The following RNF14 variants were observed in gnomAD, a reference collection of about 807,000 sequenced individuals.
The protein encoded by RNF14 is ring finger protein 14.
RNF14 carries 26 observed loss-of-function variants against 52.6 expected under a neutral mutation model. The ratio of observed to expected loss-of-function variants is 0.49; its 90% CI spans 0.36 to 0.69. The LOEUF (loss-of-function observed/expected upper bound fraction) is 0.69, where lower values mean the gene tolerates loss of function less well. Among genes scored for constraint, RNF14 ranks in the 30% least tolerant of loss-of-function variants. The pLI, the probability that RNF14 is intolerant of heterozygous loss-of-function variation, is 0.00. For synonymous variants in RNF14, 194 were observed against 202.0 expected (o/e 0.96, Z 0.34); for missense variants, 404 against 560.4 (o/e 0.72, Z 2.82).
chr5:141,986,416 G>A (rs1755237319), intron 8 of RNF14, among the ~76,000 whole-genome samples: 1 of 152,238 alleles, frequency 6.6e-6, no homozygotes, highest in East Asian at 1.9e-4. Flanking sequence ...AATGGAGGGT[G>A]CAAGGACTGT....
At chr5:141,967,423 C>T (rs920040133), upstream of RNF14, among the ~76,000 whole-genome samples, 4 of 152,186 alleles carry the variant, frequency 2.6e-5, no homozygotes, top group African/African-American at 2.4e-5. Context: ...ACTCATCACT[C>T]GAGTAGTATA....
upstream of RNF14, chr5:141,956,050 G>T (rs777187592): frequency 5.0e-6 from 8 of 1,614,096 alleles, no homozygotes; most frequent in South Asian, 7.7e-5. Flanking sequence ...GTCAGTGCCC[G>T]CTGGGCCCAA....
At chr5:141,966,491 A>G (rs573534363), upstream of RNF14, among the ~76,000 whole-genome samples, 19 of 152,308 alleles carry the variant, frequency 1.2e-4, no homozygotes, top group South Asian at 2.7e-3. Context: ...TACCTAAGTC[A>G]TAGGGTCCTG....
chr5:141,978,417 GTC>G lies in RNF14; in HGVS notation c.426_427del (p.Pro143PhefsTer2). ...AGAGACCCTAGCATACTTGAATATT[GTC>G]TCTCCTTTTGAGCTCAAGATTGGTT... ...KEETLAYLNIVSPFELKIGSQ... is the reference protein window; with the variant it reads ...KEETLAYLNIXSPFELKIGSQ... On this transcript the variant is annotated frameshift_variant, in exon 5 of 9. Coordinates refer to ENST00000394520, the MANE Select transcript of RNF14 (RefSeq NM_004290.5). LOFTEE classifies it high-confidence loss of function. 6.2e-7 allele frequency: 1 copy of G among 1,614,206 alleles called. No individual in the cohort carries two copies. The highest frequency in any genetic ancestry group is 8.5e-7 in the Non-Finnish European group (1 of 1,180,040).
intron 6 of RNF14, chr5:141,981,675 A>C (rs924389712): frequency 2.6e-5 from 4 of 151,688 alleles, no homozygotes; most frequent in African/African-American, 7.3e-5. Context: ...ACTATGGCAA[A>C]ACCCCGTGTC....
At chr5:141,974,618 A>G (rs1028383958) in intron 3 of RNF14, among the ~76,000 whole-genome samples, 186 bp from the exon 4 acceptor site, 6 of 152,226 alleles carry the variant, frequency 3.9e-5, no homozygotes, top group African/African-American at 1.4e-4. Flanking sequence ...TAGATTTTTC[A>G]AGGGCTTACA....
At chr5:141,954,850 T>C (rs1753146665), upstream of RNF14, 1 of 1,304,940 alleles carries the variant, frequency 7.7e-7, no homozygotes, top group African/African-American at 1.5e-5. Context: ...ACCCAAAGCA[T>C]CAGAAAGTGC....
At chr5:141,962,544 A>AT (rs951921759), upstream of RNF14, among the ~76,000 whole-genome samples, 1 of 152,216 alleles carries the variant, frequency 6.6e-6, no homozygotes, top group African/African-American at 2.4e-5. Context: ...GATTTACGTG[A>AT]TAAAAATAAA....
chr5:141,951,594 C>T, the RNF14 span: 2 of 1,612,098 alleles, frequency 1.2e-6, no homozygotes, highest in African/African-American at 2.7e-5. Context: ...AGATTTGCTA[C>T]AAGACAGGAA....
At chr5:141,966,027 T>G (rs1753339428), upstream of RNF14, among the ~76,000 whole-genome samples, 1 of 149,556 alleles carries the variant, frequency 6.7e-6, no homozygotes, top group Non-Finnish European at 1.5e-5. Flanking sequence ...ACATCTGTAG[T>G]CGCGGCACTT....
chr5:141,968,062 G>C (rs1275021678), upstream of RNF14, among the ~76,000 whole-genome samples: 3 of 151,292 alleles, frequency 2.0e-5, no homozygotes, highest in Non-Finnish European at 4.4e-5. Flanking sequence ...CTATGGATTT[G>C]CCTATTCTGG....
rs978188969 is a variant in RNF14 at position 141,987,863 on chromosome 5, C to T, written c.*73C>T. On this transcript the variant is annotated 3_prime_UTR_variant, in exon 9 of 9. Coordinates refer to ENST00000394520, the MANE Select transcript of RNF14 (RefSeq NM_004290.5). ...CCGTCAAGTACACAAAGTAACTTTG[C>T]GGGATATTTAGGGTACTATTCATTC... is the stretch of plus-strand genomic sequence containing the variant. 16 of 1,419,142 alleles carry T rather than the reference C, an allele frequency of 1.1e-5. No homozygotes were observed. The East Asian group carries it at 1.1e-4, about 10-fold the overall frequency. 87.9% of individuals were successfully genotyped at this position (1,419,142 alleles called of 1,614,324 possible).
In RNF14 at chr5:141,988,835, G is replaced by C. The variant is rs552593341; in HGVS notation, c.*1045G>C. ...TTAAAGATCTTCTCTAACAAGCTAT[G>C]GGAATTTGGCTTCATACTCTTTCTT... On this transcript the variant is annotated 3_prime_UTR_variant, in exon 9 of 9. Transcript: ENST00000394520. 6.6e-6 allele frequency: 1 copy of C among 152,420 alleles called. No homozygotes were observed. The highest frequency in any genetic ancestry group is 2.4e-5 in the African/African-American group (1 of 41,536). The allele number at this position is 152,420 out of a possible 1,614,324, so 9.4% of individuals were successfully genotyped here.
In RNF14 at chr5:141,988,363, G is replaced by T. The variant is rs912311452; in HGVS notation, c.*573G>T. 3 of 152,280 alleles carry T rather than the reference G, an allele frequency of 2.0e-5. No homozygotes were observed. Among genetic ancestry groups the T allele is most frequent in the African/African-American group, 7.2e-5 (3 of 41,424 alleles). 9.4% of individuals were successfully genotyped at this position (152,280 alleles called of 1,614,324 possible). A position where few individuals can be genotyped will look rare whatever the true frequency, so the allele number is the denominator to read the frequency against. On this transcript the variant is annotated 3_prime_UTR_variant, in exon 9 of 9. Transcript: ENST00000394520. ...TGACTGGATGGTCCAGTGTCATTTTGATCTGCTTTTCAGAATGGAAATTTA... is the reference window on the plus strand; with the variant it reads ...TGACTGGATGGTCCAGTGTCATTTTTATCTGCTTTTCAGAATGGAAATTTA...
chr5:141,956,503 A>G (rs746341252), upstream of RNF14: 28 of 1,614,048 alleles, frequency 1.7e-5, no homozygotes, highest in South Asian at 2.3e-4. Flanking sequence ...GATGTCACTG[A>G]TCTGAATGCT....
chr5:141,969,024 GC>G (rs1753472665), upstream of RNF14: 1 of 152,264 alleles, frequency 6.6e-6, no homozygotes. Context: ...AGAGGCAGGG[GC>G]GACCACGGCG....
At chr5:141,980,394 C>T (rs1166651652) in intron 6 of RNF14, 43 bp downstream of exon 6, 4 of 1,434,070 alleles carry the variant, frequency 2.8e-6, no homozygotes, top group South Asian at 2.3e-5. Flanking sequence ...CCCAGTCTCT[C>T]CCTCACATTT....
chr5:141,954,542 A>T (rs1753142676), upstream of RNF14, among the ~76,000 whole-genome samples: 1 of 152,246 alleles, frequency 6.6e-6, no homozygotes, highest in Non-Finnish European at 1.5e-5. Context: ...CAGAGATGTT[A>T]ACTTCCTCTG....
chr5:141,976,933 C>T (rs576212827), intron 4 of RNF14, among the ~76,000 whole-genome samples: 105 of 152,100 alleles, frequency 6.9e-4, no homozygotes, highest in African/African-American at 2.4e-3. Flanking sequence ...GGAATACAGG[C>T]GCCCGCCACC....
Sources: gnomAD v4.1 joint callset for allele counts (sites outside exome capture counted in the v4.1 genomes callset) on GRCh38, gnomAD v4.1.1 for gene constraint, MANE v1.5 for transcripts, NCBI Gene and HGNC (gene_info 2026-07-23, HGNC 2026-07-21) for gene names.